The following ZRANB1 variants were observed in gnomAD, a reference collection of about 807,000 sequenced individuals.
ZRANB1 encodes zinc finger RANBP2-type containing 1, also known as ubiquitin thioesterase ZRANB1.
In ZRANB1, 16 loss-of-function variants were observed where a neutral mutation model predicts 80.5. The ratio of observed to expected loss-of-function variants is 0.20; its 90% CI spans 0.13 to 0.30. ZRANB1 has a LOEUF of 0.30. ZRANB1 is among the 10% of genes least tolerant of loss of function. ZRANB1 has a pLI of 1.00. For missense variants in ZRANB1, 576 were observed against 862.6 expected, an observed-to-expected ratio of 0.67 and a Z score of 4.16; for synonymous variants, 291 against 293.1, an observed-to-expected ratio of 0.99 and a Z score of 0.07.
chr10:124,979,274 C>T (rs971297961), intron 5 of ZRANB1, among the ~76,000 whole-genome samples: 1 of 152,160 alleles, frequency 6.6e-6, no homozygotes, highest in African/African-American at 2.4e-5. Flanking sequence ...TTTGCATTTC[C>T]CTATTTAATG....
At chr10:124,963,604 TG>T (rs150685632) in intron 1 of ZRANB1, among the ~76,000 whole-genome samples, 17,031 of 135,432 alleles carry the variant, frequency 0.13, 1,271 homozygotes, top group African/African-American at 0.18. Flanking sequence ...GCTTTTTCCC[TG>T]CACTTCACTT....
chr10:124,959,448 G>A (rs1331310119), intron 1 of ZRANB1, among the ~76,000 whole-genome samples: 2 of 151,872 alleles, frequency 1.3e-5, no homozygotes, highest in African/African-American at 2.4e-5. Context: ...TTAACCTGAG[G>A]GCAGTGGTAA....
intron 1 of ZRANB1, among the ~76,000 whole-genome samples, chr10:124,947,478 C>T (rs998154247): frequency 1.3e-5 from 2 of 152,118 alleles, no homozygotes; most frequent in Non-Finnish European, 2.9e-5. Flanking sequence ...TACATAGATA[C>T]GTCCTTAAAA....
chr10:124,943,553 A>G (rs1422948907), intron 1 of ZRANB1, among the ~76,000 whole-genome samples: 1 of 152,008 alleles, frequency 6.6e-6, no homozygotes. Flanking sequence ...GTGTATATAT[A>G]TATGCGCAAA....
chr10:124,966,316 C>T lies in ZRANB1; in HGVS notation c.815-278C>T, dbSNP rs575498123. On this transcript the variant is annotated intron_variant, in intron 1 of 8. Coordinates refer to ENST00000359653, the MANE Select transcript of ZRANB1 (RefSeq NM_017580.3). ...TCATACTAGATTATTGATCTTCGAT[C>T]CAATTCATGCAGCCTAATAGTTCCT... Among the ~76,000 whole-genome samples the T allele has an allele frequency of 3.9e-5, 6 of 152,012 alleles. No individual in the cohort carries two copies. In the South Asian group the frequency reaches 1.0e-3, roughly 26 times the overall value.
At chr10:124,975,425 T>C (rs1317440277) in intron 5 of ZRANB1, among the ~76,000 whole-genome samples, 1 of 152,206 alleles carries the variant, frequency 6.6e-6, no homozygotes, top group Non-Finnish European at 1.5e-5. Context: ...CACATCCCCA[T>C]TCCTACATCT....
chr10:124,953,060 G>A (rs1589843667), intron 1 of ZRANB1, among the ~76,000 whole-genome samples: 2 of 150,976 alleles, frequency 1.3e-5, no homozygotes, highest in East Asian at 3.9e-4. Flanking sequence ...AAGTAGCTGG[G>A]ATTACAGGTG....
chr10:124,951,905 T>C (rs948460964), intron 1 of ZRANB1, among the ~76,000 whole-genome samples: 2 of 152,038 alleles, frequency 1.3e-5, no homozygotes, highest in Non-Finnish European at 2.9e-5. Flanking sequence ...TGCAGTGAGC[T>C]GAGATCATGC....
At chr10:124,963,558 T>TG (rs1564962067) in intron 1 of ZRANB1, among the ~76,000 whole-genome samples, 3 of 113,246 alleles carry the variant, frequency 2.6e-5, no homozygotes, top group East Asian at 2.1e-4. Flanking sequence ...TTGTTTGTTT[T>TG]TTTTTTTTTT....
the ZRANB1 span, among the ~76,000 whole-genome samples, chr10:124,928,692 CTT>C: frequency 2.1e-4 from 32 of 152,282 alleles, no homozygotes; most frequent in African/African-American, 7.5e-4. Context: ...AAGACAAAGT[CTT>C]TGCTAATTGT....
intron 1 of ZRANB1, among the ~76,000 whole-genome samples, chr10:124,944,338 G>A (rs1282833692): frequency 6.6e-6 from 1 of 152,192 alleles, no homozygotes; most frequent in Non-Finnish European, 1.5e-5. Context: ...TACCTTAGCT[G>A]TATGTTTTCC....
intron 1 of ZRANB1, among the ~76,000 whole-genome samples, chr10:124,957,693 G>C (rs976992206): frequency 2.6e-5 from 4 of 151,656 alleles, no homozygotes; most frequent in Non-Finnish European, 5.9e-5. Context: ...ATGTCTTTAA[G>C]GTTCATCTGT....
the ZRANB1 span, among the ~76,000 whole-genome samples, chr10:124,927,547 A>G: frequency 6.6e-6 from 1 of 152,220 alleles, no homozygotes; most frequent in Non-Finnish European, 1.5e-5. Context: ...CGAACTAACT[A>G]AACTTTTTGT....
the ZRANB1 span, among the ~76,000 whole-genome samples, chr10:124,924,549 A>T: frequency 6.6e-6 from 1 of 152,112 alleles, no homozygotes; most frequent in African/African-American, 2.4e-5. Context: ...CCTATTCTGG[A>T]TATGTCGTAA....
chr10:124,987,725 G>A lies in ZRANB1; in HGVS notation c.*2733G>A, dbSNP rs879463913. 1 of 152,196 alleles carries A rather than the reference G, an allele frequency of 6.6e-6. No individual in the cohort carries two copies. The highest frequency in any genetic ancestry group is 1.5e-5 in the Non-Finnish European group (1 of 68,034). 9.4% of individuals were successfully genotyped at this position (152,196 alleles called of 1,614,324 possible). On this transcript the variant is annotated 3_prime_UTR_variant, in exon 9 of 9. Coordinates refer to ENST00000359653, the MANE Select transcript of ZRANB1 (RefSeq NM_017580.3). ...AAAATGAGTGAGCAGACAAGGCCAG[G>A]CAAGCCAAAGGCTTTAAGACACCAT...
the ZRANB1 span, among the ~76,000 whole-genome samples, chr10:124,929,196 T>C: frequency 2.6e-5 from 4 of 152,090 alleles, no homozygotes; most frequent in Non-Finnish European, 4.4e-5. Context: ...CTAATCTGTT[T>C]TGTAGCCTGA....
rs200257259 is a variant in ZRANB1 at position 124,984,767 on chromosome 10, C to T, written c.1909-7C>T. ...ATTTTCCCTTTGTCTTCATATTCCTCCAAAAGCTAGGTAATGAGGAACAGC... is the reference window on the plus strand; with the variant it reads ...ATTTTCCCTTTGTCTTCATATTCCTTCAAAAGCTAGGTAATGAGGAACAGC... On this transcript the variant is annotated splice_region_variant and splice_polypyrimidine_tract_variant and intron_variant, in intron 8 of 8. Coordinates refer to ENST00000359653, the MANE Select transcript of ZRANB1 (RefSeq NM_017580.3). 87 of 1,611,846 alleles carry T rather than the reference C, an allele frequency of 5.4e-5. No homozygotes were observed. Among genetic ancestry groups the T allele is most frequent in the Non-Finnish European group, 7.1e-5 (84 of 1,178,502 alleles).
At chr10:124,934,252 T>C in the ZRANB1 span, among the ~76,000 whole-genome samples, 1 of 152,206 alleles carries the variant, frequency 6.6e-6, no homozygotes. Flanking sequence ...GTCCAACTTA[T>C]CCACAAATTC....
At chr10:124,961,506 TC>T (rs1323317948) in intron 1 of ZRANB1, among the ~76,000 whole-genome samples, 1 of 152,252 alleles carries the variant, frequency 6.6e-6, no homozygotes, top group Admixed American at 6.5e-5. Context: ...CAGCAATTCT[TC>T]CTGCTTGGCA....
Sources: allele counts gnomAD v4.1 joint callset (sites outside exome capture counted in the v4.1 genomes callset), GRCh38; gene constraint gnomAD v4.1.1; transcripts MANE v1.5; gene names NCBI Gene and HGNC (gene_info 2026-07-23, HGNC 2026-07-21).